The following SCML2 variants were observed in gnomAD, a reference collection of about 807,000 sequenced individuals.
The protein encoded by SCML2 is sex comb on midleg-like protein 2.
A neutral mutation model predicts 48.4 loss-of-function variants in SCML2; 6 were observed. The ratio of observed to expected loss-of-function variants is 0.12; its 90% CI spans 0.07 to 0.24. The LOEUF (loss-of-function observed/expected upper bound fraction) is 0.24. Among genes scored for constraint, SCML2 ranks in the 10% least tolerant of loss-of-function variants. The pLI is 1.00. For missense variants in SCML2, 377 were observed against 528.2 expected, an observed-to-expected ratio of 0.71 and a Z score of 2.81; for synonymous variants, 181 against 189.5, an observed-to-expected ratio of 0.95 and a Z score of 0.37.
chrX:18,261,978 T>G (rs1172533766), intron 8 of SCML2, among the ~76,000 whole-genome samples: 1 of 109,967 alleles, frequency 9.1e-6, no homozygotes, highest in Non-Finnish European at 1.9e-5. Flanking sequence ...TGATTTTTAT[T>G]TTGTAAATTT....
intron 5 of SCML2, among the ~76,000 whole-genome samples, chrX:18,322,893 CA>C (rs1250402094): frequency 4.6e-5 from 5 of 108,623 alleles, no homozygotes; most frequent in African/African-American, 1.7e-4. Flanking sequence ...AAAACCATCT[CA>C]AAAAAAAATA....
Position 18,324,036 on chromosome X carries a change from G to A in SCML2, c.220C>T (p.Pro74Ser). ...ATACATACTGAAGTGGCATTGCGAG[G>A]GTCACGGGCTTCCAATTTCATACCA... ...KVGMKLEARD[P>S]RNATSVCIAT... is the part of the protein sequence containing the mutation. Residue 74 changes from proline (P) to serine (S), a missense_variant, in exon 5 of 15, where the codon CCT becomes TCT. By Grantham distance (74) the Pro-to-Ser change is moderately conservative. This residue lies in a region of SCML2 where 61 missense variants were observed against 59.9 expected (regional missense o/e 1.02). Coordinates refer to ENST00000251900, the MANE Select transcript of SCML2 (RefSeq NM_006089.3). 1 of 1,210,483 alleles carries A rather than the reference G, an allele frequency of 8.3e-7. No individual in the cohort carries two copies. The highest frequency in any genetic ancestry group is 1.1e-6 in the Non-Finnish European group (1 of 894,783).
chrX:18,285,472 T>C (rs751522458), intron 7 of SCML2, among the ~76,000 whole-genome samples: 18 of 109,787 alleles, frequency 1.6e-4, no homozygotes, highest in Admixed American at 4.9e-4. Flanking sequence ...AAATACTGCA[T>C]GTCCTCACTT....
intron 14 of SCML2, 89 bp from the exon 15 acceptor site, chrX:18,241,468 A>G: frequency 1.7e-6 from 1 of 600,077 alleles, no homozygotes. Context: ...GCAGCTGTAT[A>G]CTCCGGATAT....
intron 7 of SCML2, among the ~76,000 whole-genome samples, chrX:18,288,743 C>T (rs1246862099): frequency 8.9e-6 from 1 of 111,932 alleles, no homozygotes; most frequent in Non-Finnish European, 1.9e-5. Context: ...CTGTTTTTAC[C>T]GTTAAGGTGA....
intron 7 of SCML2, among the ~76,000 whole-genome samples, chrX:18,295,015 C>T (rs1253710677): frequency 9.0e-6 from 1 of 111,275 alleles, no homozygotes; most frequent in African/African-American, 3.3e-5. Flanking sequence ...GCAAGGCCAC[C>T]TCTGCGTACT....
intron 7 of SCML2, among the ~76,000 whole-genome samples, chrX:18,266,191 A>G (rs1406172760): frequency 9.0e-6 from 1 of 111,553 alleles, no homozygotes; most frequent in Non-Finnish European, 1.9e-5. Flanking sequence ...ATCAACATAG[A>G]AAAACATAGC....
At chrX:18,354,056 C>T (rs1446785467) in intron 1 of SCML2, among the ~76,000 whole-genome samples, 1 of 112,448 alleles carries the variant, frequency 8.9e-6, no homozygotes, top group African/African-American at 3.2e-5. Flanking sequence ...CGCCCCCAGC[C>T]CCCGCCAGGA....
intron 6 of SCML2, among the ~76,000 whole-genome samples, chrX:18,307,001 C>T (rs1023224437): frequency 3.6e-5 from 4 of 110,880 alleles, no homozygotes; most frequent in African/African-American, 1.3e-4. Flanking sequence ...TCTTAAAAAC[C>T]ACCCTGGGCT....
At chrX:18,260,090 T>C in intron 9 of SCML2, 81 bp downstream of exon 9, 1 of 667,875 alleles carries the variant, frequency 1.5e-6, no homozygotes, top group Middle Eastern at 4.9e-4. Context: ...TATTATTTTA[T>C]TTCCAGGACT....
At chrX:18,266,771 T>C (rs958020067) in intron 7 of SCML2, among the ~76,000 whole-genome samples, 2 of 111,960 alleles carry the variant, frequency 1.8e-5, no homozygotes, top group African/African-American at 3.2e-5. Context: ...TGACCCGCAA[T>C]AGATAATACC....
chrX:18,250,645 A>C (rs1375496398), intron 11 of SCML2, among the ~76,000 whole-genome samples: 2 of 110,627 alleles, frequency 1.8e-5, no homozygotes, highest in African/African-American at 6.6e-5. Flanking sequence ...GGCCTCCCAA[A>C]GTGCTGGGAT....
intron 8 of SCML2, among the ~76,000 whole-genome samples, chrX:18,263,742 T>TTA (rs934441921): frequency 7.2e-5 from 8 of 111,130 alleles, no homozygotes; most frequent in Non-Finnish European, 1.5e-4. Context: ...CAAACAAAAA[T>TTA]TATATATATT....
At chrX:18,260,952 C>A (rs1927040267) in intron 8 of SCML2, among the ~76,000 whole-genome samples, 1 of 108,968 alleles carries the variant, frequency 9.2e-6, no homozygotes, top group African/African-American at 3.5e-5. Flanking sequence ...ACATGACTCT[C>A]CAATATAAGA....
intron 1 of SCML2, among the ~76,000 whole-genome samples, chrX:18,334,334 T>C (rs1053398015): frequency 2.7e-5 from 3 of 112,274 alleles, no homozygotes; most frequent in Admixed American, 9.5e-5. Context: ...TAGAATTAGA[T>C]AGTGGTGATG....
chrX:18,350,913 A>G (rs924323369), intron 1 of SCML2, among the ~76,000 whole-genome samples: 4 of 111,382 alleles, frequency 3.6e-5, no homozygotes, highest in African/African-American at 6.5e-5. Flanking sequence ...TATTTCCCCA[A>G]GACAAAGAGA....
chrX:18,347,502 C>T (rs1454328738), intron 1 of SCML2, among the ~76,000 whole-genome samples: 1 of 106,161 alleles, frequency 9.4e-6, no homozygotes, highest in Admixed American at 1.0e-4. Context: ...CTGTAATCCC[C>T]GCACTCTGGG....
Position 18,241,302 on chromosome X carries a change from T to C in SCML2, c.2052A>G (p.Ala684=). The C allele has an allele frequency of 2.5e-6, 3 of 1,203,506 alleles. No homozygotes were observed. Among genetic ancestry groups the C allele is most frequent in the Non-Finnish European group, 3.4e-6 (3 of 890,286 alleles). The change falls in exon 15 of 15, where the codon GCA becomes GCG. Residue 684 remains alanine (A), a synonymous_variant. Transcript: ENST00000251900. ...MKYMGLKLGP[A]LKLCYYIEKL... ...TTTCAATGTAGTAACACAGCTTTAA[T>C]GCTGGCCCCAGCTTCAGCCCCATAT... is the stretch of plus-strand genomic sequence containing the variant.
intron 7 of SCML2, among the ~76,000 whole-genome samples, chrX:18,287,244 G>T (rs1446389137): frequency 8.9e-6 from 1 of 111,967 alleles, no homozygotes; most frequent in Non-Finnish European, 1.9e-5. Context: ...TGCTTTGGGG[G>T]TCTGACAGAA....
Sources: allele counts gnomAD v4.1 joint callset (sites outside exome capture counted in the v4.1 genomes callset), GRCh38; gene constraint gnomAD v4.1.1; regional missense constraint gnomAD v4.1.1; transcripts MANE v1.5; gene names NCBI Gene and HGNC (gene_info 2026-07-23, HGNC 2026-07-21).